The following ZFHX3 variants were observed in gnomAD, a reference collection of about 807,000 sequenced individuals.
ZFHX3 encodes zinc finger homeobox protein 3.
A neutral mutation model predicts 279.1 loss-of-function variants in ZFHX3; 42 were observed. The ratio of observed to expected loss-of-function variants is 0.15; its 90% CI spans 0.12 to 0.19. ZFHX3 has a LOEUF of 0.19. Ranked by LOEUF, ZFHX3 falls within the 10% of genes least tolerant of loss-of-function variation. ZFHX3 has a pLI of 1.00. For synonymous variants in ZFHX3, 2,293 were observed against 1,957.8 expected, an observed-to-expected ratio of 1.17 and a Z score of -4.52; for missense variants, 4,981 against 4,754.0, an observed-to-expected ratio of 1.05 and a Z score of -1.40.
intron 2 of ZFHX3, among the ~76,000 whole-genome samples, chr16:73,539,811 C>T (rs2019979413): frequency 6.6e-6 from 1 of 152,150 alleles, no homozygotes; most frequent in African/African-American, 2.4e-5. Flanking sequence ...CAAAGCCCTC[C>T]AAATGTTTTC....
intron 3 of ZFHX3, among the ~76,000 whole-genome samples, chr16:73,442,740 A>G (rs886821967): frequency 1.3e-5 from 2 of 152,090 alleles, no homozygotes; most frequent in African/African-American, 4.8e-5. Flanking sequence ...AAAGGGCCAG[A>G]TTTGAATAAA....
chr16:73,811,368 C>T (rs1234380382), intron 1 of ZFHX3, among the ~76,000 whole-genome samples: 1 of 151,748 alleles, frequency 6.6e-6, no homozygotes, highest in Admixed American at 6.6e-5. Flanking sequence ...TTTCCCAGGG[C>T]ACATCAGTGC....
At chr16:73,509,691 A>AT (rs71156168) in intron 2 of ZFHX3, among the ~76,000 whole-genome samples, 13,803 of 105,932 alleles carry the variant, frequency 0.13, 1,264 homozygotes, top group African/African-American at 0.24. Context: ...TGCCCGGCTG[A>AT]TTTTTTTTTT....
chr16:73,319,981 G>T (rs576078450), intron 3 of ZFHX3, among the ~76,000 whole-genome samples: 2 of 152,326 alleles, frequency 1.3e-5, no homozygotes, highest in South Asian at 4.2e-4. Flanking sequence ...TTGCATTAAG[G>T]AAAGTGTGCT....
intron 3 of ZFHX3, among the ~76,000 whole-genome samples, chr16:73,446,228 A>G (rs989096862): frequency 1.3e-5 from 2 of 152,100 alleles, no homozygotes; most frequent in African/African-American, 4.8e-5. Context: ...AGGCCATTGT[A>G]TTAGTCCTTT....
At chr16:73,388,776 C>T (rs574247844) in intron 3 of ZFHX3, 1 of 152,388 alleles carries the variant, frequency 6.6e-6, no homozygotes, top group South Asian at 2.1e-4. Flanking sequence ...ACTGTTTTCC[C>T]TCCTTCAGGA....
At chr16:73,580,514 A>AC (rs1165246473) in intron 2 of ZFHX3, among the ~76,000 whole-genome samples, 22 of 151,690 alleles carry the variant, frequency 1.5e-4, no homozygotes, top group Non-Finnish European at 2.5e-4. Flanking sequence ...CAAACAAAAA[A>AC]AAAAAAACAG....
At chr16:73,259,264 T>C (rs2013749456) in intron 4 of ZFHX3, among the ~76,000 whole-genome samples, 1 of 152,226 alleles carries the variant, frequency 6.6e-6, no homozygotes, top group Non-Finnish European at 1.5e-5. Flanking sequence ...ATTGCTAAAT[T>C]GCTCTCCAAA....
In ZFHX3 at chr16:72,787,490, TGTC is replaced by T. The variant is rs759905903; in HGVS notation, c.10783_10785del (p.Asp3595del). 1 of 1,612,396 alleles carries T rather than the reference TGTC, an allele frequency of 6.2e-7. No homozygotes were observed. The highest frequency in any genetic ancestry group is 2.2e-5 in the East Asian group (1 of 44,816). On this transcript the variant is annotated inframe_deletion, in exon 10 of 10. Coordinates refer to ENST00000268489, the MANE Select transcript of ZFHX3 (RefSeq NM_006885.4). ...GCGGCGGCCGACGGGGGAGGGGGGC[TGTC>T]GTTTGAGTGAGCGGCAGACTGCGAG...
intron 3 of ZFHX3, chr16:73,388,813 C>A (rs1046160506): frequency 1.3e-5 from 2 of 152,268 alleles, no homozygotes; most frequent in African/African-American, 4.8e-5. Context: ...TCGATCTTTT[C>A]CTTCCCAAGG....
chr16:72,792,143 G>A (rs893391549), intron 9 of ZFHX3, among the ~76,000 whole-genome samples: 2 of 152,160 alleles, frequency 1.3e-5, no homozygotes, highest in African/African-American at 4.8e-5. Flanking sequence ...TGTGAGGACA[G>A]AGAAGGAGAA....
At chr16:72,898,957 G>A (rs1322635972) in intron 3 of ZFHX3, among the ~76,000 whole-genome samples, 1 of 151,970 alleles carries the variant, frequency 6.6e-6, no homozygotes, top group Non-Finnish European at 1.5e-5. Context: ...AGCTGAGGGG[G>A]GTATGTAGGT....
intron 1 of ZFHX3, among the ~76,000 whole-genome samples, chr16:72,961,374 A>C (rs540055582): frequency 5.8e-4 from 88 of 152,340 alleles, no homozygotes; most frequent in African/African-American, 2.0e-3. Flanking sequence ...GAGGCATCGG[A>C]TCACGGCCGC....
At chr16:73,349,433 G>A (rs769673954) in intron 3 of ZFHX3, among the ~76,000 whole-genome samples, 109 of 152,000 alleles carry the variant, frequency 7.2e-4, no homozygotes, top group Admixed American at 5.9e-4. Flanking sequence ...CTCGTAGGAG[G>A]TGTTAGTAGC....
At chr16:73,635,308 T>A (rs1461160492) in intron 2 of ZFHX3, among the ~76,000 whole-genome samples, 1 of 152,206 alleles carries the variant, frequency 6.6e-6, no homozygotes, top group East Asian at 1.9e-4. Context: ...TTCACTGATA[T>A]CCCTTCTTTC....
intron 1 of ZFHX3, among the ~76,000 whole-genome samples, chr16:73,799,468 C>T (rs914391757): frequency 1.3e-5 from 2 of 152,116 alleles, no homozygotes; most frequent in Non-Finnish European, 2.9e-5. Flanking sequence ...CCCTTGCAGG[C>T]AGCATTCTCA....
At chr16:73,288,076 G>T (rs2014674564) in intron 4 of ZFHX3, among the ~76,000 whole-genome samples, 1 of 151,868 alleles carries the variant, frequency 6.6e-6, no homozygotes, top group African/African-American at 2.4e-5. Context: ...CTCTGACCCT[G>T]CACATTTGCT....
intron 4 of ZFHX3, among the ~76,000 whole-genome samples, chr16:73,299,334 G>T (rs868772425): frequency 6.6e-6 from 1 of 152,146 alleles, no homozygotes; most frequent in Non-Finnish European, 1.5e-5. Flanking sequence ...GTGAAATAAT[G>T]TAACAATAGA....
Position 72,804,515 on chromosome 16 carries a change from G to C in ZFHX3, c.3865-4386C>G, listed in dbSNP as rs189609441. 5.9e-5 allele frequency among the ~76,000 whole-genome samples: 9 copies of C among 152,262 alleles called. No homozygotes were observed. In the East Asian group the frequency reaches 1.5e-3, roughly 26 times the overall value. On this transcript the variant is annotated intron_variant, in intron 7 of 9. Coordinates refer to ENST00000268489, the MANE Select transcript of ZFHX3 (RefSeq NM_006885.4). ...CCATGTACTCAAGTGAACTGCCCTT[G>C]ATCTACTAGGAGAGGTAACATATAG...
Sources: allele counts gnomAD v4.1 joint callset (sites outside exome capture counted in the v4.1 genomes callset), GRCh38; gene constraint gnomAD v4.1.1; transcripts MANE v1.5; gene names NCBI Gene and HGNC (gene_info 2026-07-23, HGNC 2026-07-21).